Variants in ESR1 observed in about 807,000 individuals in gnomAD.
ESR1 encodes the protein estrogen receptor 1.
ESR1 carries 12 observed loss-of-function variants against 52.7 expected under a neutral mutation model. That is an observed-to-expected ratio of 0.23 (90% confidence interval 0.15 to 0.37). The LOEUF (loss-of-function observed/expected upper bound fraction) is 0.37, where lower values mean the gene tolerates loss of function less well. Ranked by LOEUF, ESR1 falls within the 10% of genes least tolerant of loss-of-function variation. The pLI, the probability that ESR1 is intolerant of heterozygous loss-of-function variation, is 1.00. For missense variants in ESR1, 584 were observed against 779.7 expected, an observed-to-expected ratio of 0.75 and a Z score of 2.99; for synonymous variants, 305 against 316.8, an observed-to-expected ratio of 0.96 and a Z score of 0.39.
At chr6:151,919,762 A>T (rs1181461882) in intron 3 of ESR1, among the ~76,000 whole-genome samples, 1 of 152,180 alleles carries the variant, frequency 6.6e-6, no homozygotes, top group Non-Finnish European at 1.5e-5. Context: ...ATTATAGAGG[A>T]TCTGAGAAAA....
intron 2 of ESR1, chr6:151,702,053 C>T (rs1156637353): frequency 6.6e-6 from 1 of 152,144 alleles, no homozygotes; most frequent in African/African-American, 2.4e-5. Context: ...TGACTTTGTC[C>T]GTGAATTGAT....
intron 3 of ESR1, among the ~76,000 whole-genome samples, chr6:151,911,602 G>A (rs1428278052): frequency 6.6e-6 from 1 of 152,130 alleles, no homozygotes; most frequent in Non-Finnish European, 1.5e-5. Context: ...CTCGCCTCTG[G>A]GAGGCCTCCC....
At chr6:151,699,852 C>T (rs1221966190) in intron 1 of ESR1, among the ~76,000 whole-genome samples, 1 of 151,992 alleles carries the variant, frequency 6.6e-6, no homozygotes, top group African/African-American at 2.4e-5. Flanking sequence ...CAGCAAGAAG[C>T]CAAGTTGAGA....
intron 2 of ESR1, among the ~76,000 whole-genome samples, chr6:151,745,560 G>A (rs1482347539): frequency 1.3e-5 from 2 of 151,980 alleles, no homozygotes; most frequent in Non-Finnish European, 2.9e-5. Flanking sequence ...TAATCATTAA[G>A]TTATATTTTA....
intron 2 of ESR1, among the ~76,000 whole-genome samples, chr6:151,764,388 T>G (rs1233380721): frequency 6.6e-6 from 1 of 152,114 alleles, no homozygotes; most frequent in East Asian, 1.9e-4. Context: ...ACATCCTTGA[T>G]GAAGGAGATG....
intron 6 of ESR1, among the ~76,000 whole-genome samples, chr6:152,076,086 C>T (rs568020467): frequency 5.3e-5 from 8 of 152,144 alleles, no homozygotes; most frequent in Non-Finnish European, 1.2e-4. Flanking sequence ...GACAGATTAT[C>T]ACACTGATAT....
intron 6 of ESR1, among the ~76,000 whole-genome samples, chr6:152,114,806 G>A (rs1299707806): frequency 1.4e-5 from 2 of 147,886 alleles, no homozygotes; most frequent in Non-Finnish European, 3.0e-5. Flanking sequence ...CAGGAGAATG[G>A]CGTGAACCCG....
intron 1 of ESR1, among the ~76,000 whole-genome samples, chr6:151,670,811 C>T (rs1426818305): frequency 6.7e-6 from 1 of 148,848 alleles, no homozygotes; most frequent in Non-Finnish European, 1.5e-5. Flanking sequence ...TCTTGTCGCC[C>T]AGGCTGGAGT....
chr6:151,839,011 A>G (rs890346412), intron 1 of ESR1, among the ~76,000 whole-genome samples: 4 of 152,226 alleles, frequency 2.6e-5, no homozygotes, highest in Non-Finnish European at 5.9e-5. Context: ...GAAACTATAC[A>G]TTTATTGATT....
At chr6:151,824,765 CA>C (rs1409273192) in intron 1 of ESR1, among the ~76,000 whole-genome samples, 5 of 152,024 alleles carry the variant, frequency 3.3e-5, no homozygotes, top group African/African-American at 9.6e-5. Context: ...ACTAAAAATA[CA>C]AAAAATTAGC....
At chr6:151,863,346 A>G (rs952532081) in intron 2 of ESR1, among the ~76,000 whole-genome samples, 1 of 152,178 alleles carries the variant, frequency 6.6e-6, no homozygotes, top group Non-Finnish European at 1.5e-5. Flanking sequence ...GTTCTCCTTG[A>G]AGAGGTCCTT....
rs558146754 is a variant in ESR1, at chr6:152,102,670, C to T, written c.*3704C>T. On this transcript the variant is annotated 3_prime_UTR_variant, in exon 8 of 8. Coordinates refer to ENST00000206249, the MANE Select transcript of ESR1 (RefSeq NM_000125.4). ...TTCCAATTGAATTAAAGTGTGGCCT[C>T]GTTTTTAGTCATTTAAAATTGTTTT... 4 of 219,834 alleles carry T rather than the reference C, an allele frequency of 1.8e-5. No homozygotes were observed. The highest frequency in any genetic ancestry group is 3.7e-4 in the South Asian group (2 of 5,400). The allele number at this position is 219,834 out of a possible 1,614,324, so 13.6% of individuals were successfully genotyped here.
chr6:151,839,813 G>T (rs147687955), intron 1 of ESR1, among the ~76,000 whole-genome samples: 81 of 152,210 alleles, frequency 5.3e-4, no homozygotes, highest in African/African-American at 1.9e-3. Flanking sequence ...AGGAGAAAAT[G>T]GGGAATTATT....
intron 2 of ESR1, among the ~76,000 whole-genome samples, chr6:151,704,312 A>G (rs1295340573): frequency 6.6e-6 from 1 of 152,186 alleles, no homozygotes; most frequent in African/African-American, 2.4e-5. Context: ...ATCTTGGCTC[A>G]CTGCAACCTC....
At chr6:151,871,554 C>T (rs962943823) in intron 2 of ESR1, among the ~76,000 whole-genome samples, 1 of 152,148 alleles carries the variant, frequency 6.6e-6, no homozygotes, top group African/African-American at 2.4e-5. Context: ...CAGGTGCCCA[C>T]CACCACACCC....
chr6:151,934,366 C>G (rs546097165), intron 3 of ESR1, among the ~76,000 whole-genome samples: 1 of 152,150 alleles, frequency 6.6e-6, no homozygotes, highest in South Asian at 2.1e-4. Flanking sequence ...AAAAATATGA[C>G]GTTGTGAGGA....
chr6:151,751,835 TAGC>T (rs1783926333), intron 2 of ESR1, among the ~76,000 whole-genome samples: 1 of 152,220 alleles, frequency 6.6e-6, no homozygotes, highest in African/African-American at 2.4e-5. Flanking sequence ...AATGTGCTAA[TAGC>T]AGCATTTTAT....
intron 2 of ESR1, among the ~76,000 whole-genome samples, chr6:151,799,429 G>A (rs1161673605): frequency 6.6e-6 from 1 of 152,236 alleles, no homozygotes; most frequent in Non-Finnish European, 1.5e-5. Flanking sequence ...CTAAATTTCA[G>A]TTATTATAGT....
Position 151,808,049 on chromosome 6 carries a change from G to A in ESR1, c.137G>A (p.Ser46Asn), listed in dbSNP as rs1778156552. ...ERPLGEVYLDSSKPAVYNYPE... is the reference protein window; with the variant it reads ...ERPLGEVYLDNSKPAVYNYPE... ...CCCCTGGGCGAGGTGTACCTGGACAGCAGCAAGCCCGCCGTGTACAACTAC... is the reference window on the plus strand; with the variant it reads ...CCCCTGGGCGAGGTGTACCTGGACAACAGCAAGCCCGCCGTGTACAACTAC... Residue 46 changes from serine (S) to asparagine (N), a missense_variant, in exon 1 of 8, where the codon AGC becomes AAC. Physicochemically the swap from Ser to Asn is conservative, Grantham distance 46. This residue lies in a region of ESR1 where 251 missense variants were observed against 246.1 expected (regional missense o/e 1.02). Coordinates refer to ENST00000206249, the MANE Select transcript of ESR1 (RefSeq NM_000125.4). 3.7e-6 allele frequency: 6 copies of A among 1,613,596 alleles called. No individual in the cohort carries two copies. Among genetic ancestry groups the A allele is most frequent in the Non-Finnish European group, 5.1e-6 (6 of 1,179,910 alleles).
Sources: allele counts gnomAD v4.1 joint callset (sites outside exome capture counted in the v4.1 genomes callset), GRCh38; gene constraint gnomAD v4.1.1; regional missense constraint gnomAD v4.1.1; transcripts MANE v1.5; gene names NCBI Gene and HGNC (gene_info 2026-07-23, HGNC 2026-07-21).